Variants in TNIK observed in about 807,000 individuals in gnomAD.
The protein encoded by TNIK is TRAF2 and NCK interacting kinase, also known as TRAF2 and NCK-interacting protein kinase.
In TNIK, 49 loss-of-function variants were observed where a neutral mutation model predicts 191.3. That is an observed-to-expected ratio of 0.26 (90% CI 0.20 to 0.32). TNIK has a LOEUF of 0.32. Among genes scored for constraint, TNIK ranks in the 10% least tolerant of loss-of-function variants. TNIK has a pLI of 1.00. For missense variants in TNIK, 1,155 were observed against 1,702.3 expected (o/e 0.68, Z 5.66); for synonymous variants, 594 against 600.9 (o/e 0.99, Z 0.17).
intron 1 of TNIK, among the ~76,000 whole-genome samples, chr3:171,376,392 T>C (rs560905333): frequency 1.1e-4 from 16 of 152,254 alleles, no homozygotes; most frequent in Non-Finnish European, 1.8e-4. Flanking sequence ...AGGTCTTGCT[T>C]TACACAGTAA....
intron 1 of TNIK, among the ~76,000 whole-genome samples, chr3:171,456,177 T>C (rs1430125649): frequency 6.6e-6 from 1 of 152,168 alleles, no homozygotes; most frequent in Non-Finnish European, 1.5e-5. Context: ...TGGCCTTGAA[T>C]GCCTTACCCT....
intron 1 of TNIK, among the ~76,000 whole-genome samples, chr3:171,394,449 C>T (rs200230817): frequency 2.5e-4 from 38 of 152,270 alleles, no homozygotes; most frequent in East Asian, 2.3e-3. Flanking sequence ...TATATTATTA[C>T]CACACTCTAA....
At chr3:171,184,101 A>G (rs1183358884) in intron 7 of TNIK, among the ~76,000 whole-genome samples, 5 of 152,238 alleles carry the variant, frequency 3.3e-5, no homozygotes, top group Non-Finnish European at 5.9e-5. Context: ...CTCCGAATAA[A>G]CAATTTATTA....
At chr3:171,240,524 G>T (rs1165296238) in intron 2 of TNIK, among the ~76,000 whole-genome samples, 3 of 148,206 alleles carry the variant, frequency 2.0e-5, no homozygotes, top group African/African-American at 7.7e-5. Context: ...GTGTGATTGA[G>T]GTTCCATTTC....
intron 3 of TNIK, among the ~76,000 whole-genome samples, chr3:171,213,391 C>CGGTT (rs1369457474): frequency 6.6e-6 from 1 of 152,072 alleles, no homozygotes; most frequent in Non-Finnish European, 1.5e-5. Context: ...ATAAAAGACA[C>CGGTT]GGATCACTTT....
chr3:171,241,944 ACT>A (rs1052191951), intron 2 of TNIK, among the ~76,000 whole-genome samples: 1 of 150,572 alleles, frequency 6.6e-6, no homozygotes, highest in African/African-American at 2.4e-5. Context: ...ACATGTTCTC[ACT>A]CAGGTGGGAA....
At chr3:171,163,780 T>C (rs1734287816) in intron 10 of TNIK, among the ~76,000 whole-genome samples, 2 of 152,210 alleles carry the variant, frequency 1.3e-5, no homozygotes, top group South Asian at 4.1e-4. Flanking sequence ...ATCCTTCATT[T>C]GTCAGGCTTC....
chr3:171,074,161 T>C (rs2108333962), intron 28 of TNIK, among the ~76,000 whole-genome samples: 1 of 152,172 alleles, frequency 6.6e-6, no homozygotes, highest in South Asian at 2.1e-4. Context: ...GTTGTATATA[T>C]ACAGCATGGA....
chr3:171,301,471 T>C (rs1231330929), intron 2 of TNIK, among the ~76,000 whole-genome samples: 1 of 152,094 alleles, frequency 6.6e-6, no homozygotes, highest in African/African-American at 2.4e-5. Context: ...TACACCGCCA[T>C]GCCTGGCCAA....
chr3:171,341,902 C>G (rs1757573660), intron 2 of TNIK, among the ~76,000 whole-genome samples: 1 of 152,130 alleles, frequency 6.6e-6, no homozygotes, highest in South Asian at 2.1e-4. Context: ...CAAAAATGGA[C>G]CCAGTGTACA....
intron 1 of TNIK, among the ~76,000 whole-genome samples, chr3:171,450,298 T>C (rs568109428): frequency 4.1e-4 from 62 of 152,342 alleles, no homozygotes; most frequent in African/African-American, 1.5e-3. Flanking sequence ...CTAATTAGAT[T>C]TGGTTTCTTC....
intron 1 of TNIK, among the ~76,000 whole-genome samples, chr3:171,408,604 A>G (rs1478263253): frequency 6.6e-6 from 1 of 152,160 alleles, no homozygotes; most frequent in East Asian, 1.9e-4. Flanking sequence ...AATCCTCCTG[A>G]GCCTCAATTC....
At chr3:171,284,812 T>G (rs1028148383) in intron 2 of TNIK, among the ~76,000 whole-genome samples, 1 of 152,166 alleles carries the variant, frequency 6.6e-6, no homozygotes, top group African/African-American at 2.4e-5. Context: ...TAAGTAATTC[T>G]AAGAGCAAGC....
intron 2 of TNIK, among the ~76,000 whole-genome samples, chr3:171,354,949 G>A (rs1713806325): frequency 6.6e-6 from 1 of 152,114 alleles, no homozygotes; most frequent in African/African-American, 2.4e-5. Flanking sequence ...TTGCTATTCT[G>A]TTTTGGGTTC....
chr3:171,459,819 G>A lies in TNIK; in HGVS notation c.57+188C>T, dbSNP rs546577451. On this transcript the variant is annotated intron_variant, in intron 1 of 32. Coordinates refer to ENST00000436636, the MANE Select transcript of TNIK (RefSeq NM_015028.4). Reference sequence around the variant, plus strand: ...GCCAGAGGAAGACACGTACCGCACAGCCCCTGCCGTAGGGGCTCAGCCAGG... The same window carrying A: ...GCCAGAGGAAGACACGTACCGCACAACCCCTGCCGTAGGGGCTCAGCCAGG... Among the ~76,000 whole-genome samples the A allele has an allele frequency of 1.6e-4, 25 of 152,152 alleles. No individual in the cohort carries two copies. The South Asian group carries it at 5.0e-3, about 30-fold the overall frequency.
At position 171,263,933 on chromosome 3, in the gene TNIK, C is replaced by T. The variant is rs569229075; in HGVS notation, c.124-35712G>A. On this transcript the variant is annotated intron_variant, in intron 2 of 32. Coordinates refer to ENST00000436636, the MANE Select transcript of TNIK (RefSeq NM_015028.4). The stretch of plus-strand genomic sequence containing the variant: ...TAAGGCTGGAGTACTGGGTGTGAGG[C>T]AGGGAGCTGTAAAGCTAGAGAGGTA... Among the ~76,000 whole-genome samples, 454 of 151,938 alleles carry T rather than the reference C, an allele frequency of 3.0e-3. 3 individuals carry two copies. The highest frequency in any genetic ancestry group is 4.3e-3 in the Non-Finnish European group (291 of 67,936).
At chr3:171,298,457 C>T (rs1406740689) in intron 2 of TNIK, among the ~76,000 whole-genome samples, 1 of 152,204 alleles carries the variant, frequency 6.6e-6, no homozygotes, top group African/African-American at 2.4e-5. Context: ...TCGCATGTTC[C>T]AGCCCCTTGC....
chr3:171,268,053 T>C (rs1163544015), intron 2 of TNIK, among the ~76,000 whole-genome samples: 2 of 152,196 alleles, frequency 1.3e-5, no homozygotes, highest in African/African-American at 2.4e-5. Flanking sequence ...GGAGTCCTTC[T>C]GGAAAACCGT....
rs549150945 is a variant in TNIK at position 171,141,876 on chromosome 3, A to G, written c.1222-1367T>C. Among the ~76,000 whole-genome samples the G allele has an allele frequency of 2.0e-4, 30 of 152,330 alleles. No homozygotes were observed. The South Asian group carries it at 6.0e-3, about 31-fold the overall frequency. ...AAGACTTCATTGCATAGCTTAGGAAACATGAGGTACCCAGAGTGGAATAAA... is the reference window on the plus strand; with the variant it reads ...AAGACTTCATTGCATAGCTTAGGAAGCATGAGGTACCCAGAGTGGAATAAA... On this transcript the variant is annotated intron_variant, in intron 12 of 32. Coordinates refer to ENST00000436636, the MANE Select transcript of TNIK (RefSeq NM_015028.4).
Sources: allele counts gnomAD v4.1 joint callset (sites outside exome capture counted in the v4.1 genomes callset), GRCh38; gene constraint gnomAD v4.1.1; transcripts MANE v1.5; gene names NCBI Gene and HGNC (gene_info 2026-07-23, HGNC 2026-07-21).